MSI2: variants seen among roughly 807,000 people sequenced by gnomAD.
MSI2 encodes musashi RNA binding protein 2.
MSI2 carries 17 observed loss-of-function variants against 45.6 expected under a neutral mutation model. That is an observed-to-expected ratio of 0.37 (90% CI 0.26 to 0.56). The LOEUF is 0.56. MSI2 is among the 20% of genes least tolerant of loss of function. The probability of loss-of-function intolerance (pLI) is 0.77; values close to 1 mark genes in which losing one functional copy is unlikely to be tolerated. For missense variants in MSI2, 293 were observed against 444.2 expected (o/e 0.66, Z 3.06); for synonymous variants, 156 against 158.2 (o/e 0.99, Z 0.11).
chr17:57,631,691 G>T, intron 10 of MSI2: 1 of 999,046 alleles, frequency 1.0e-6, no homozygotes. Flanking sequence ...AATTATTATG[G>T]GTTGTGATCA....
At chr17:57,628,264 G>T (rs1908997302) in intron 10 of MSI2, 2 of 152,234 alleles carry the variant, frequency 1.3e-5, no homozygotes, top group Admixed American at 1.3e-4. Context: ...AGACCTGGAG[G>T]TCTGGGAGTG....
At chr17:57,475,451 G>C (rs1290661221) in intron 6 of MSI2, among the ~76,000 whole-genome samples, 1 of 152,154 alleles carries the variant, frequency 6.6e-6, no homozygotes, top group African/African-American at 2.4e-5. Context: ...GGACCTGATA[G>C]GTAGTGTACT....
At chr17:57,432,584 A>C (rs2084617399) in intron 6 of MSI2, 1 of 152,656 alleles carries the variant, frequency 6.6e-6, no homozygotes, top group Admixed American at 6.6e-5. Flanking sequence ...CTCTTCCTCC[A>C]GGTTTCCGCC....
At chr17:57,466,819 A>G (rs1020301014) in intron 6 of MSI2, among the ~76,000 whole-genome samples, 12 of 151,960 alleles carry the variant, frequency 7.9e-5, no homozygotes, top group Admixed American at 2.0e-4. Flanking sequence ...GGCAACATTT[A>G]GGTCCAACTT....
At chr17:57,463,388 A>T (rs1408790895) in intron 6 of MSI2, among the ~76,000 whole-genome samples, 1 of 152,016 alleles carries the variant, frequency 6.6e-6, no homozygotes, top group African/African-American at 2.4e-5. Context: ...GACTTCTCAG[A>T]GTTTTGAGAA....
At chr17:57,398,719 A>G (rs148977522) in intron 5 of MSI2, among the ~76,000 whole-genome samples, 146 of 152,344 alleles carry the variant, frequency 9.6e-4, no homozygotes, top group African/African-American at 3.3e-3. Context: ...GGAACCTTGT[A>G]TGGTAGGCTA....
At chr17:57,575,944 CA>C (rs34036311) in intron 7 of MSI2, among the ~76,000 whole-genome samples, 1,127 of 64,380 alleles carry the variant, frequency 0.018, 2 homozygotes, top group South Asian at 0.025. Context: ...GACTCCGTCT[CA>C]AAAAAAAAAA....
chr17:57,574,208 C>A (rs1031935969), intron 7 of MSI2, among the ~76,000 whole-genome samples: 11 of 152,186 alleles, frequency 7.2e-5, no homozygotes, highest in African/African-American at 2.7e-4. Context: ...AAGCTAATGG[C>A]CAAGGCATTA....
intron 6 of MSI2, among the ~76,000 whole-genome samples, chr17:57,517,240 T>C (rs1029766506): frequency 6.6e-6 from 1 of 152,002 alleles, no homozygotes; most frequent in African/African-American, 2.4e-5. Flanking sequence ...GATAAGGGGA[T>C]TGGGGAGATT....
intron 8 of MSI2, among the ~76,000 whole-genome samples, chr17:57,605,978 T>C (rs1050027505): frequency 3.9e-5 from 6 of 152,062 alleles, no homozygotes; most frequent in Admixed American, 6.5e-5. Flanking sequence ...TTCCCAGAAA[T>C]GAAAAGGAGG....
chr17:57,304,643 C>T (rs1423254692), intron 5 of MSI2, among the ~76,000 whole-genome samples: 6 of 152,078 alleles, frequency 3.9e-5, no homozygotes, highest in Middle Eastern at 3.4e-3. Flanking sequence ...AGGCTGATCT[C>T]GAACTCCTGA....
In MSI2 at chr17:57,551,615, C is replaced by A. The variant is rs149918452; in HGVS notation, c.454+21891C>A. On this transcript the variant is annotated intron_variant, in intron 7 of 13. Transcript: ENST00000284073. ...ATGTACACACACTGGTGTTCCCACA[C>A]CCCCCTCTTCCTGCACTGCCATGCC... Among the ~76,000 whole-genome samples, 673 of 152,236 alleles carry A rather than the reference C, an allele frequency of 4.4e-3. 2 individuals carry two copies. Among genetic ancestry groups the A allele is most frequent in the African/African-American group, 0.015 (639 of 41,528 alleles).
chr17:57,442,879 AC>A (rs2084826377), intron 6 of MSI2, among the ~76,000 whole-genome samples: 1 of 152,240 alleles, frequency 6.6e-6, no homozygotes, highest in Admixed American at 6.5e-5. Context: ...GAGAATGCTT[AC>A]AAAAATCATC....
At chr17:57,256,857 G>T (rs1906772515) in intron 1 of MSI2, 53 bp downstream of exon 1, 1 of 1,353,696 alleles carries the variant, frequency 7.4e-7, no homozygotes, top group African/African-American at 1.6e-5. Flanking sequence ...TCTCCTTGCA[G>T]CGGCGGGGAC....
chr17:57,569,859 T>C (rs962994239), intron 7 of MSI2, among the ~76,000 whole-genome samples: 14 of 152,174 alleles, frequency 9.2e-5, no homozygotes, highest in African/African-American at 2.9e-4. Context: ...TCAAGAATTT[T>C]AGGGTGCAGT....
chr17:57,470,034 C>T (rs1451470358), intron 6 of MSI2, among the ~76,000 whole-genome samples: 1 of 152,158 alleles, frequency 6.6e-6, no homozygotes. Flanking sequence ...TTTCATCCTC[C>T]AGGACCCAGC....
rs1905281936 is a variant in MSI2, at chr17:57,596,807, C to T, written c.455-61C>T. 1 of 1,228,782 alleles carries T rather than the reference C, an allele frequency of 8.1e-7. No individual in the cohort carries two copies. Among genetic ancestry groups the T allele is most frequent in the Non-Finnish European group, 1.2e-6 (1 of 835,670 alleles). The allele number at this position is 1,228,782 out of a possible 1,614,324, so 76.1% of individuals were successfully genotyped here. On this transcript the variant is annotated intron_variant, in intron 7 of 13. Coordinates refer to ENST00000284073, the MANE Select transcript of MSI2 (RefSeq NM_138962.4). This position sits in a 1 kb window ranked among gnomAD's most constrained non-coding sequence, Gnocchi z 4.6. Reference sequence around the variant, plus strand: ...TCAGGACGTCAGAGAAAAACCTGGGCCTGCCAGAACTGAACTCACCCCGCC... The same window carrying T: ...TCAGGACGTCAGAGAAAAACCTGGGTCTGCCAGAACTGAACTCACCCCGCC...
At chr17:57,333,352 C>T (rs1361287847) in intron 5 of MSI2, among the ~76,000 whole-genome samples, 1 of 152,066 alleles carries the variant, frequency 6.6e-6, no homozygotes, top group Non-Finnish European at 1.5e-5. Flanking sequence ...TTGAGCTCTT[C>T]CTCTTCTCTC....
At chr17:57,641,424 G>A (rs185237610) in intron 10 of MSI2, among the ~76,000 whole-genome samples, 36 of 152,252 alleles carry the variant, frequency 2.4e-4, no homozygotes, top group Middle Eastern at 6.8e-3. Flanking sequence ...GAGAAAGCAG[G>A]CATGGAGAAG....
Sources: gnomAD v4.1 joint callset for allele counts (sites outside exome capture counted in the v4.1 genomes callset) on GRCh38, gnomAD v4.1.1 for gene constraint, Gnocchi (gnomAD v3.1) non-coding constraint, MANE v1.5 for transcripts, NCBI Gene and HGNC (gene_info 2026-07-23, HGNC 2026-07-21) for gene names.